Variants in GFOD1 observed in about 807,000 individuals in gnomAD.
GFOD1 encodes the protein glucose-fructose oxidoreductase domain-containing protein 1.
Under a neutral mutation model 25.4 loss-of-function variants are expected in GFOD1, and 9 were observed. That is an observed-to-expected ratio of 0.35 (90% CI 0.21 to 0.62). The LOEUF (loss-of-function observed/expected upper bound fraction) is 0.62. Ranked by LOEUF, GFOD1 falls within the 20% of genes least tolerant of loss-of-function variation. The pLI is 0.72. For missense variants in GFOD1, 403 were observed against 556.9 expected (o/e 0.72, Z 2.78); for synonymous variants, 253 against 245.6 (o/e 1.03, Z -0.28).
At chr6:13,457,627 C>T (rs1334106550) in intron 1 of GFOD1, among the ~76,000 whole-genome samples, 2 of 152,164 alleles carry the variant, frequency 1.3e-5, no homozygotes, top group African/African-American at 2.4e-5. Context: ...TGATAGAGAC[C>T]GGGTATTTCC....
chr6:13,416,759 C>G (rs889296074), intron 1 of GFOD1, among the ~76,000 whole-genome samples: 4 of 152,228 alleles, frequency 2.6e-5, no homozygotes, highest in African/African-American at 9.7e-5. Context: ...TTCCTATTTA[C>G]TCCTATCGAG....
chr6:13,399,039 G>C (rs903592023), intron 1 of GFOD1, among the ~76,000 whole-genome samples: 1 of 152,172 alleles, frequency 6.6e-6, no homozygotes, highest in African/African-American at 2.4e-5. Flanking sequence ...TTCTGAGACA[G>C]GGTCTCACTA....
intron 1 of GFOD1, among the ~76,000 whole-genome samples, chr6:13,412,783 C>T (rs1221359107): frequency 6.6e-6 from 1 of 152,212 alleles, no homozygotes; most frequent in Non-Finnish European, 1.5e-5. Flanking sequence ...GCACTTCCCC[C>T]GCCCTCCTTT....
rs1785001986 is a variant in GFOD1 at position 13,364,579 on chromosome 6, C to T, written c.*164G>A. The stretch of plus-strand genomic sequence containing the variant: ...GCCCACCAACAGTCTGGTTTGGGGT[C>T]GGTCACCGGGATTGGAGTTTACCTT... On this transcript the variant is annotated 3_prime_UTR_variant, in exon 2 of 2. Coordinates refer to ENST00000379287, the MANE Select transcript of GFOD1 (RefSeq NM_018988.4). This position sits in a 1 kb window ranked among gnomAD's most constrained non-coding sequence, Gnocchi z 4.1. 6.3e-6 allele frequency: 4 copies of T among 633,302 alleles called. No homozygotes were observed. The highest frequency in any genetic ancestry group is 1.8e-5 in the African/African-American group (1 of 54,486). 39.2% of individuals were successfully genotyped at this position (633,302 alleles called of 1,614,324 possible).
At chr6:13,459,328 C>T (rs899200783) in intron 1 of GFOD1, among the ~76,000 whole-genome samples, 1 of 120,806 alleles carries the variant, frequency 8.3e-6, no homozygotes, top group African/African-American at 2.8e-5. Context: ...AACTGGACCC[C>T]TTCCTTACAC....
chr6:13,410,459 C>T (rs902960186), intron 1 of GFOD1, among the ~76,000 whole-genome samples: 4 of 151,872 alleles, frequency 2.6e-5, no homozygotes, highest in East Asian at 1.9e-4. Context: ...CGCAGCTACT[C>T]GGGAGGTTGA....
chr6:13,391,756 T>C (rs780257899), intron 1 of GFOD1, among the ~76,000 whole-genome samples: 16 of 152,156 alleles, frequency 1.1e-4, no homozygotes, highest in Admixed American at 3.9e-4. Context: ...AATCCTCAAT[T>C]TCCTCATCTG....
chr6:13,463,464 C>T (rs937916322), intron 1 of GFOD1, among the ~76,000 whole-genome samples: 35 of 152,186 alleles, frequency 2.3e-4, no homozygotes, highest in African/African-American at 1.2e-4. Context: ...TGTTGGACAG[C>T]GCAAAACAGA....
rs1295150712 is a variant in GFOD1, at chr6:13,364,877, C to T, written c.1039G>A (p.Val347Met). The T allele has an allele frequency of 1.2e-6, 2 of 1,613,998 alleles. No homozygotes were observed. The highest frequency in any genetic ancestry group is 3.3e-5 in the Admixed American group (2 of 60,030). ...FDDCLYALCV[V>M]DTIKRSSQTG... is the part of the protein sequence containing the mutation. ...TGGCTGGACCTCTTGATGGTGTCCA[C>T]CACGCACAAGGCATACAGGCAGTCG... Residue 347 changes from valine (V) to methionine (M), a missense_variant, in exon 2 of 2, where the codon GTG becomes ATG. Coordinates refer to ENST00000379287, the MANE Select transcript of GFOD1 (RefSeq NM_018988.4). The surrounding 1 kb of genome is among the most constrained non-coding windows in gnomAD (Gnocchi z 4.1).
In GFOD1 at chr6:13,364,904, C is replaced by T; in HGVS notation, c.1012G>A (p.Asp338Asn). 6 of 1,613,504 alleles carry T rather than the reference C, an allele frequency of 3.7e-6. No individual in the cohort carries two copies. The highest frequency in any genetic ancestry group is 5.1e-6 in the Non-Finnish European group (6 of 1,180,032). ...GRPLTMAATFDDCLYALCVVD... is the reference protein window; with the variant it reads ...GRPLTMAATFNDCLYALCVVD... Reference sequence around the variant, plus strand: ...ACGCACAAGGCATACAGGCAGTCGTCGAAGGTGGCGGCCATGGTGAGGGGC... The same window carrying T: ...ACGCACAAGGCATACAGGCAGTCGTTGAAGGTGGCGGCCATGGTGAGGGGC... Residue 338 changes from aspartate (D) to asparagine (N), a missense_variant, in exon 2 of 2, where the codon GAC (aspartate) becomes AAC (asparagine). Asp to Asn is a conservative substitution (Grantham distance 23). Transcript: ENST00000379287. The surrounding 1 kb of genome is among the most constrained non-coding windows in gnomAD (Gnocchi z 4.1).
chr6:13,418,797 C>T (rs1345031), intron 1 of GFOD1, among the ~76,000 whole-genome samples: 86,519 of 151,588 alleles, frequency 0.57, 28,516 homozygotes, highest in Non-Finnish European at 0.73. Flanking sequence ...ACCTGGCCAA[C>T]GGCAATTCCA....
rs1026115148 is a variant in GFOD1, at chr6:13,364,207, A to C, written c.*536T>G. On this transcript the variant is annotated 3_prime_UTR_variant, in exon 2 of 2. Coordinates refer to ENST00000379287, the MANE Select transcript of GFOD1 (RefSeq NM_018988.4). The surrounding 1 kb of genome is among the most constrained non-coding windows in gnomAD (Gnocchi z 4.1). ...CCGTTAGATACCTTATATCCAATAA[A>C]AAGTGGCTTCCTGGAATTTGAACTT... 6.4e-6 allele frequency: 1 copy of C among 157,042 alleles called. No individual in the cohort carries two copies. Among genetic ancestry groups the C allele is most frequent in the African/African-American group, 2.4e-5 (1 of 41,474 alleles). 9.7% of individuals were successfully genotyped at this position (157,042 alleles called of 1,614,324 possible).
At chr6:13,459,162 T>C (rs187829961) in intron 1 of GFOD1, among the ~76,000 whole-genome samples, 15 of 152,264 alleles carry the variant, frequency 9.9e-5, no homozygotes, top group Non-Finnish European at 1.8e-4. Flanking sequence ...AATAGACACA[T>C]AGACCAATGG....
rs569810825 is a variant in GFOD1, at chr6:13,383,755, A to T, written c.254-18093T>A. 7.2e-5 allele frequency among the ~76,000 whole-genome samples: 11 copies of T among 152,362 alleles called. No homozygotes were observed. The East Asian group carries it at 1.5e-3, about 21-fold the overall frequency. On this transcript the variant is annotated intron_variant, in intron 1 of 1. Transcript: ENST00000379287. ...TAACCAATTAGAAATGCCAACTAAC[A>T]TCTAATAGGGACTTTCCACTTTGAC...
chr6:13,451,368 G>A (rs541137905), intron 1 of GFOD1, among the ~76,000 whole-genome samples: 1 of 152,318 alleles, frequency 6.6e-6, no homozygotes, highest in African/African-American at 2.4e-5. Flanking sequence ...GGAGGCCCGA[G>A]CCTAGGGAGT....
chr6:13,389,952 A>G (rs550888873), intron 1 of GFOD1, among the ~76,000 whole-genome samples: 2 of 152,006 alleles, frequency 1.3e-5, no homozygotes, highest in Non-Finnish European at 2.9e-5. Flanking sequence ...CTGCTCAGTC[A>G]TCAAGTTCAA....
intron 1 of GFOD1, among the ~76,000 whole-genome samples, chr6:13,463,019 C>T (rs1160085757): frequency 6.6e-6 from 1 of 152,248 alleles, no homozygotes; most frequent in African/African-American, 2.4e-5. Context: ...GAGCAGCTCT[C>T]TTTTCAAACT....
chr6:13,447,580 A>C (rs1758022967), intron 1 of GFOD1, among the ~76,000 whole-genome samples: 1 of 151,828 alleles, frequency 6.6e-6, no homozygotes, highest in Non-Finnish European at 1.5e-5. Context: ...TCTACTAAAA[A>C]TACAAAAAAA....
At chr6:13,442,898 C>A (rs1757939361) in intron 1 of GFOD1, among the ~76,000 whole-genome samples, 1 of 152,156 alleles carries the variant, frequency 6.6e-6, no homozygotes, top group Admixed American at 6.5e-5. Context: ...ACTTTCAAAT[C>A]TTATTATTTA....
Sources: gnomAD v4.1 joint callset for allele counts (sites outside exome capture counted in the v4.1 genomes callset) on GRCh38, gnomAD v4.1.1 for gene constraint, Gnocchi (gnomAD v3.1) non-coding constraint, MANE v1.5 for transcripts, NCBI Gene and HGNC (gene_info 2026-07-23, HGNC 2026-07-21) for gene names.